RFX1: variants seen among roughly 807,000 people sequenced by gnomAD.
RFX1 encodes MHC class II regulatory factor RFX1.
In RFX1, 42 loss-of-function variants were observed where a neutral mutation model predicts 119.6. That is an observed-to-expected ratio of 0.35 (90% CI 0.27 to 0.45). The LOEUF (loss-of-function observed/expected upper bound fraction) is 0.45. RFX1 is among the 20% of genes least tolerant of loss of function. The pLI, the probability that RFX1 is intolerant of heterozygous loss-of-function variation, is 1.00. For synonymous variants in RFX1, 628 were observed against 618.5 expected, an observed-to-expected ratio of 1.02 and a Z score of -0.23; for missense variants, 1,118 against 1,368.1, an observed-to-expected ratio of 0.82 and a Z score of 2.88.
At position 13,979,460 on chromosome 19, in the gene RFX1, T is replaced by C. The variant is rs149107931; in HGVS notation, c.821A>G (p.His274Arg). ...GGAGACACACACCTCTTGAGCCACGTGGACTGGCTGGAGGCCCTGCACGGT... is the reference window on the plus strand; with the variant it reads ...GGAGACACACACCTCTTGAGCCACGCGGACTGGCTGGAGGCCCTGCACGGT... ...PLTVQGLQPV[H>R]VAQEVQQLQQ... The change falls in exon 7 of 21, where the codon CAC (histidine) becomes CGC (arginine). Residue 274 changes from histidine (H) to arginine (R), a missense_variant. By Grantham distance (29) the His-to-Arg change is conservative (BLOSUM62 0). This residue lies in a region of RFX1 where 542 missense variants were observed against 602.7 expected (regional missense o/e 0.90). Transcript: ENST00000254325. 6.7e-5 allele frequency: 106 copies of C among 1,592,234 alleles called. No homozygotes were observed. The highest frequency in any genetic ancestry group is 8.7e-5 in the Non-Finnish European group (102 of 1,167,466).
intron 1 of RFX1, among the ~76,000 whole-genome samples, chr19:13,998,737 G>A (rs1975116977): frequency 6.6e-6 from 1 of 152,094 alleles, no homozygotes; most frequent in African/African-American, 2.4e-5. Flanking sequence ...GTCTGTTTTA[G>A]CTGGTCCCTT....
rs560677608 is a variant in RFX1 at position 13,985,666 on chromosome 19, G to C, written c.320-2071C>G. On this transcript the variant is annotated intron_variant, in intron 2 of 20. Transcript: ENST00000254325. This position sits in a 1 kb window ranked among gnomAD's most constrained non-coding sequence, Gnocchi z 4.3. ...GGTTCTGCCTGGGCTGCGCCCCAAGGGCAGTGATGTGTGAACTTGGGTATA... is the reference window on the plus strand; with the variant it reads ...GGTTCTGCCTGGGCTGCGCCCCAAGCGCAGTGATGTGTGAACTTGGGTATA... Among the ~76,000 whole-genome samples, 1 of 152,214 alleles carries C rather than the reference G, an allele frequency of 6.6e-6. No individual in the cohort carries two copies. Among genetic ancestry groups the C allele is most frequent in the Non-Finnish European group, 1.5e-5 (1 of 68,032 alleles).
intron 2 of RFX1, among the ~76,000 whole-genome samples, chr19:13,991,437 CTG>C (rs919909923): frequency 1.2e-4 from 18 of 152,212 alleles, no homozygotes; most frequent in African/African-American, 4.1e-4. Context: ...CAGGGCAGGG[CTG>C]TGTCTACACA....
chr19:14,004,819 C>T (rs1041032556), intron 1 of RFX1, among the ~76,000 whole-genome samples: 1 of 152,150 alleles, frequency 6.6e-6, no homozygotes, highest in Non-Finnish European at 1.5e-5. Flanking sequence ...GCCAACTAGA[C>T]TTGGCCTGGC....
intron 1 of RFX1, among the ~76,000 whole-genome samples, chr19:13,996,881 A>G (rs964705878): frequency 6.6e-6 from 1 of 151,724 alleles, no homozygotes; most frequent in Non-Finnish European, 1.5e-5. Flanking sequence ...CTACTACCAC[A>G]TCCAGCTAAT....
Position 13,963,573 on chromosome 19 carries a change from G to A in RFX1, c.2535C>T (p.Ala845=), listed in dbSNP as rs148112821. 1.2e-6 allele frequency: 2 copies of A among 1,604,844 alleles called. No homozygotes were observed. Among genetic ancestry groups the A allele is most frequent in the South Asian group, 1.1e-5 (1 of 91,008 alleles). The part of the protein sequence containing the change: ...PYQGSAGFPK[A]AKLFLLKWSF... ...ACCACTTGAGGAGGAAGAGCTTGGC[G>A]GCCTTGGGGAAGCCGGCGCTGCCCT... is the stretch of plus-strand genomic sequence containing the variant. The change falls in exon 18 of 21, where the codon GCC becomes GCT. Residue 845 remains alanine (A), a synonymous_variant. Transcript: ENST00000254325.
chr19:13,999,747 C>T (rs1421045079), intron 1 of RFX1, among the ~76,000 whole-genome samples: 1 of 152,008 alleles, frequency 6.6e-6, no homozygotes, highest in African/African-American at 2.4e-5. Flanking sequence ...ACAGTCTCTG[C>T]TCACTGCAAC....
chr19:13,995,898 C>T (rs572576598), intron 1 of RFX1, among the ~76,000 whole-genome samples: 6 of 150,130 alleles, frequency 4.0e-5, no homozygotes, highest in East Asian at 1.9e-4. Flanking sequence ...AGTGGTGGCG[C>T]GCACCTGTAA....
At chr19:13,991,587 C>T (rs969642449) in intron 2 of RFX1, among the ~76,000 whole-genome samples, 1 of 152,230 alleles carries the variant, frequency 6.6e-6, no homozygotes, top group African/African-American at 2.4e-5. Flanking sequence ...GCAGACACTG[C>T]CAGAAGCCTC....
Position 13,980,539 on chromosome 19 carries a change from C to A in RFX1, c.738+34G>T, listed in dbSNP as rs1440284706. The A allele has an allele frequency of 7.1e-7, 1 of 1,402,400 alleles. No homozygotes were observed. Among genetic ancestry groups the A allele is most frequent in the Non-Finnish European group, 9.8e-7 (1 of 1,024,880 alleles). The allele number at this position is 1,402,400 out of a possible 1,614,324, so 86.9% of individuals were successfully genotyped here. ...TGCAGAGGCTGCCTGGCCGGTACCCCTGGACCGAGCCACTGCCCGCCTTGG... is the reference window on the plus strand; with the variant it reads ...TGCAGAGGCTGCCTGGCCGGTACCCATGGACCGAGCCACTGCCCGCCTTGG... On this transcript the variant is annotated intron_variant, in intron 6 of 20. Transcript: ENST00000254325. This position sits in a 1 kb window ranked among gnomAD's most constrained non-coding sequence, Gnocchi z 5.1.
intron 7 of RFX1, among the ~76,000 whole-genome samples, chr19:13,978,550 C>T (rs1175783142): frequency 6.6e-6 from 1 of 152,198 alleles, no homozygotes; most frequent in Non-Finnish European, 1.5e-5. Flanking sequence ...GAGTCCCCCA[C>T]CTCCATCCCC....
chr19:13,963,506 G>C (rs1973787236), intron 18 of RFX1, 32 bp downstream of exon 18: 1 of 1,558,980 alleles, frequency 6.4e-7, no homozygotes, highest in African/African-American at 1.4e-5. Context: ...CTTCCCTGGT[G>C]CCGCCCGGAC....
chr19:13,981,063 A>C (rs1974416387), intron 5 of RFX1, among the ~76,000 whole-genome samples: 1 of 152,148 alleles, frequency 6.6e-6, no homozygotes, highest in South Asian at 2.1e-4. Context: ...GAGCGCTTTA[A>C]ATGTACTCAC....
rs1782038848 is a variant in RFX1 at position 13,963,076 on chromosome 19, G to A, written c.2725-37C>T. The A allele has an allele frequency of 1.9e-6, 3 of 1,599,918 alleles. No homozygotes were observed. The South Asian group carries it at 3.3e-5, about 18-fold the overall frequency. On this transcript the variant is annotated intron_variant, in intron 19 of 20. Coordinates refer to ENST00000254325, the MANE Select transcript of RFX1 (RefSeq NM_002918.5). Reference sequence around the variant, plus strand: ...AGAGAAGAAAATGGGTGAGGGTCCCGCCGCCTGGCGCCCCGCCCGCGCCCC... The same window carrying A: ...AGAGAAGAAAATGGGTGAGGGTCCCACCGCCTGGCGCCCCGCCCGCGCCCC...
intron 2 of RFX1, among the ~76,000 whole-genome samples, chr19:13,987,082 G>A (rs993059562): frequency 3.3e-5 from 5 of 152,138 alleles, no homozygotes; most frequent in African/African-American, 1.2e-4. Flanking sequence ...AGTCTTCTTG[G>A]CCCCCCTAGA....
rs1973853880 is a variant in RFX1, at chr19:13,965,198, A to G, written c.2211+251T>C. Among the ~76,000 whole-genome samples, 1 of 152,142 alleles carries G rather than the reference A, an allele frequency of 6.6e-6. No individual in the cohort carries two copies. The highest frequency in any genetic ancestry group is 6.6e-5 in the Admixed American group (1 of 15,262). On this transcript the variant is annotated intron_variant, in intron 16 of 20. Transcript: ENST00000254325. The surrounding 1 kb of genome is among the most constrained non-coding windows in gnomAD (Gnocchi z 4.7). ...TACTGTACATTTGCAGTTGGTTTTT[A>G]TTTTTGAAAGATGCTGTGTTGAGTA...
Position 13,966,580 on chromosome 19 carries a change from C to T in RFX1, c.1852-50G>A. The T allele has an allele frequency of 6.5e-7, 1 of 1,535,136 alleles. No homozygotes were observed. Among genetic ancestry groups the T allele is most frequent in the Non-Finnish European group, 8.9e-7 (1 of 1,127,234 alleles). ...GAGGCTGGGGGGCAGCATGGCCCTCCCATGCCCGTGGCTGCGTCCCCGTCC... is the reference window on the plus strand; with the variant it reads ...GAGGCTGGGGGGCAGCATGGCCCTCTCATGCCCGTGGCTGCGTCCCCGTCC... On this transcript the variant is annotated intron_variant, in intron 13 of 20. Coordinates refer to ENST00000254325, the MANE Select transcript of RFX1 (RefSeq NM_002918.5). This position sits in a 1 kb window ranked among gnomAD's most constrained non-coding sequence, Gnocchi z 6.3.
At chr19:13,972,593 C>G (rs1438863026) in intron 9 of RFX1, 150 bp downstream of exon 9, 1 of 627,650 alleles carries the variant, frequency 1.6e-6, no homozygotes, top group African/African-American at 1.9e-5. Flanking sequence ...ACACAGCATT[C>G]AATCCCAGGA....
At chr19:13,995,315 G>T (rs1974971078) in intron 1 of RFX1, among the ~76,000 whole-genome samples, 1 of 152,126 alleles carries the variant, frequency 6.6e-6, no homozygotes, top group South Asian at 2.1e-4. Flanking sequence ...CCTGCCATCT[G>T]GACTTGGGAT....
Sources: gnomAD v4.1 joint callset for allele counts (sites outside exome capture counted in the v4.1 genomes callset) on GRCh38, gnomAD v4.1.1 for gene constraint, gnomAD v4.1.1 regional missense constraint, Gnocchi (gnomAD v3.1) non-coding constraint, MANE v1.5 for transcripts, NCBI Gene and HGNC (gene_info 2026-07-23, HGNC 2026-07-21) for gene names.